PPFIA2: variants seen among roughly 807,000 people sequenced by gnomAD.
The protein encoded by PPFIA2 is liprin-alpha-2.
PPFIA2 carries 46 observed loss-of-function variants against 175.5 expected under a neutral mutation model. That is an observed-to-expected ratio of 0.26 (90% CI 0.21 to 0.34). The LOEUF (loss-of-function observed/expected upper bound fraction) is 0.34, where lower values mean the gene tolerates loss of function less well. Among genes scored for constraint, PPFIA2 ranks in the 10% least tolerant of loss-of-function variants. The pLI, the probability that PPFIA2 is intolerant of heterozygous loss-of-function variation, is 1.00. For missense variants in PPFIA2, 1,179 were observed against 1,506.1 expected (o/e 0.78, Z 3.60); for synonymous variants, 568 against 511.4 (o/e 1.11, Z -1.49).
intron 4 of PPFIA2, among the ~76,000 whole-genome samples, chr12:81,611,213 C>A (rs2060872572): frequency 6.6e-6 from 1 of 152,102 alleles, no homozygotes; most frequent in African/African-American, 2.4e-5. Context: ...TTCCAGGCCA[C>A]GAGCCTCTCT....
intron 8 of PPFIA2, among the ~76,000 whole-genome samples, chr12:81,398,861 T>C (rs1266644585): frequency 6.6e-6 from 1 of 152,042 alleles, no homozygotes; most frequent in African/African-American, 2.4e-5. Context: ...TCGACAATAC[T>C]AAGAGTTAAA....
chr12:81,443,033 T>C (rs867878384), intron 6 of PPFIA2, among the ~76,000 whole-genome samples: 4 of 150,918 alleles, frequency 2.7e-5, no homozygotes, highest in South Asian at 2.1e-4. Flanking sequence ...GAAATGCTAT[T>C]GTAAACAAGC....
At chr12:81,321,813 C>A (rs143407382) in intron 22 of PPFIA2, among the ~76,000 whole-genome samples, 1 of 152,078 alleles carries the variant, frequency 6.6e-6, no homozygotes, top group Non-Finnish European at 1.5e-5. Flanking sequence ...GTGAGTTGAA[C>A]CTTATTCAGA....
chr12:81,448,362 C>T (rs1376307619), intron 5 of PPFIA2, among the ~76,000 whole-genome samples: 2 of 152,184 alleles, frequency 1.3e-5, no homozygotes, highest in Admixed American at 6.5e-5. Flanking sequence ...CCACTGCTTA[C>T]ATTTGTGTCC....
chr12:81,429,291 A>G (rs2047691861), intron 7 of PPFIA2, among the ~76,000 whole-genome samples: 1 of 152,090 alleles, frequency 6.6e-6, no homozygotes. Flanking sequence ...AAGGCCCCTC[A>G]AAAGAAATGA....
At chr12:81,437,882 C>G (rs937492913) in intron 7 of PPFIA2, among the ~76,000 whole-genome samples, 5 of 151,750 alleles carry the variant, frequency 3.3e-5, no homozygotes, top group African/African-American at 1.2e-4. Flanking sequence ...ACCTATTATT[C>G]CAGAGGTTCT....
chr12:81,642,607 A>G (rs1360178724), intron 4 of PPFIA2, among the ~76,000 whole-genome samples: 1 of 128,168 alleles, frequency 7.8e-6, no homozygotes, highest in Non-Finnish European at 1.6e-5. Context: ...ATATATATAT[A>G]CACACACATA....
At chr12:81,263,086 T>A (rs2272502) in intron 31 of PPFIA2, 145 bp downstream of exon 31, 337,296 of 716,998 alleles carry the variant, frequency 0.47, 82,678 homozygotes, top group Non-Finnish European at 0.52. Flanking sequence ...TAAAAAGGAG[T>A]CTGGTTTGTG....
At chr12:81,539,667 A>G (rs1442262543) in intron 4 of PPFIA2, among the ~76,000 whole-genome samples, 1 of 151,890 alleles carries the variant, frequency 6.6e-6, no homozygotes, top group Admixed American at 6.6e-5. Flanking sequence ...ATTTGGGGTA[A>G]AAATTATGAA....
chr12:81,265,551 C>T (rs1282507209), intron 30 of PPFIA2, among the ~76,000 whole-genome samples: 1 of 151,956 alleles, frequency 6.6e-6, no homozygotes, highest in Non-Finnish European at 1.5e-5. Context: ...GAAATAAGTC[C>T]ACTACTGTTC....
At chr12:81,478,304 T>A (rs1323220990) in intron 4 of PPFIA2, among the ~76,000 whole-genome samples, 1 of 152,144 alleles carries the variant, frequency 6.6e-6, no homozygotes, top group Non-Finnish European at 1.5e-5. Context: ...TTCTCTCTTT[T>A]CTTCTTTATT....
At chr12:81,572,118 A>T (rs2072665429) in intron 4 of PPFIA2, among the ~76,000 whole-genome samples, 1 of 152,044 alleles carries the variant, frequency 6.6e-6, no homozygotes, top group South Asian at 2.1e-4. Context: ...TTGCTTTGTT[A>T]GGACATGTCA....
At chr12:81,409,669 T>C (rs553936822) in intron 7 of PPFIA2, among the ~76,000 whole-genome samples, 1 of 152,296 alleles carries the variant, frequency 6.6e-6, no homozygotes, top group South Asian at 2.1e-4. Flanking sequence ...CAGTCTGTGA[T>C]ATTCTGTTAT....
chr12:81,605,000 C>T (rs1375057168), intron 4 of PPFIA2, among the ~76,000 whole-genome samples: 2 of 151,746 alleles, frequency 1.3e-5, no homozygotes, highest in Admixed American at 6.6e-5. Context: ...GGAACAATTA[C>T]TCCTATGCCA....
At chr12:81,740,021 C>A (rs905984571) in intron 3 of PPFIA2, among the ~76,000 whole-genome samples, 1 of 152,070 alleles carries the variant, frequency 6.6e-6, no homozygotes, top group Non-Finnish European at 1.5e-5. Flanking sequence ...AATGAGATTT[C>A]ATTTTCTTCC....
At chr12:81,435,233 C>A (rs770340616) in intron 7 of PPFIA2, among the ~76,000 whole-genome samples, 1 of 152,136 alleles carries the variant, frequency 6.6e-6, no homozygotes, top group Non-Finnish European at 1.5e-5. Flanking sequence ...GCTATGTCCT[C>A]TGGTGCATGT....
intron 4 of PPFIA2, among the ~76,000 whole-genome samples, chr12:81,486,029 T>C (rs1005596349): frequency 3.3e-5 from 5 of 151,948 alleles, no homozygotes; most frequent in African/African-American, 1.2e-4. Flanking sequence ...TTGTACACAA[T>C]CTCTGATATA....
chr12:81,754,422 C>T (rs2084322610), intron 2 of PPFIA2, among the ~76,000 whole-genome samples, 199 bp from the exon 3 acceptor site: 1 of 152,180 alleles, frequency 6.6e-6, no homozygotes, highest in African/African-American at 2.4e-5. Flanking sequence ...AGCCTAAGTG[C>T]TTTCTCTTTC....
Position 81,724,333 on chromosome 12 carries a change from C to A in PPFIA2, c.249+29640G>T, listed in dbSNP as rs1040082249. On this transcript the variant is annotated intron_variant, in intron 3 of 32. Coordinates refer to ENST00000549396, the MANE Select transcript of PPFIA2 (RefSeq NM_003625.5). ...TTGAGCCTTCTATTTATTTATTTAT[C>A]ATTTTTATAAATTTAGGGGGTACAA... 2.7e-5 allele frequency among the ~76,000 whole-genome samples: 4 copies of A among 150,908 alleles called. No individual in the cohort carries two copies. In the South Asian group the frequency reaches 8.3e-4, roughly 31 times the overall value.
Sources: gnomAD v4.1 joint callset for allele counts (sites outside exome capture counted in the v4.1 genomes callset) on GRCh38, gnomAD v4.1.1 for gene constraint, MANE v1.5 for transcripts, NCBI Gene and HGNC (gene_info 2026-07-23, HGNC 2026-07-21) for gene names.